DYSF: variants seen among roughly 807,000 people sequenced by gnomAD.
DYSF encodes dysferlin, also known as dystrophy-associated fer-1-like 1.
Under a neutral mutation model 274.9 loss-of-function variants are expected in DYSF, and 212 were observed. The ratio of observed to expected loss-of-function variants is 0.77; its 90% CI spans 0.69 to 0.86. The LOEUF is 0.86. Among genes scored for constraint, DYSF ranks in the 40% least tolerant of loss-of-function variants. The pLI, the probability that DYSF is intolerant of heterozygous loss-of-function variation, is 0.00. For missense variants in DYSF, 2,666 were observed against 2,783.2 expected (o/e 0.96, Z 0.95); for synonymous variants, 1,091 against 1,078.7 (o/e 1.01, Z -0.22).
chr2:71,618,877 G>T (rs986779969), intron 40 of DYSF, among the ~76,000 whole-genome samples: 1 of 151,874 alleles, frequency 6.6e-6, no homozygotes, highest in Non-Finnish European at 1.5e-5. Flanking sequence ...TGTCGGGTGG[G>T]TGCTGGGGCT....
At chr2:71,601,435 C>A in intron 34 of DYSF, 64 bp from the exon 35 acceptor site, 1 of 1,602,026 alleles carries the variant, frequency 6.2e-7, no homozygotes, top group Non-Finnish European at 8.6e-7. Context: ...CCATGAGTGT[C>A]ATGAGGGTGA....
At chr2:71,488,949 CCTT>C (rs71890738) in intron 3 of DYSF, among the ~76,000 whole-genome samples, 8,195 of 152,120 alleles carry the variant, frequency 0.054, 557 homozygotes, top group African/African-American at 0.16. Flanking sequence ...CCCCAATGCT[CCTT>C]CTCCTCCTTC....
At chr2:71,632,684 T>G (rs568665161) in intron 41 of DYSF, among the ~76,000 whole-genome samples, 7 of 152,212 alleles carry the variant, frequency 4.6e-5, no homozygotes, top group Non-Finnish European at 7.3e-5. Context: ...TGATGGAAGC[T>G]TCTTTCATTC....
chr2:71,633,214 A>G (rs1208874984), intron 41 of DYSF, among the ~76,000 whole-genome samples: 1 of 152,224 alleles, frequency 6.6e-6, no homozygotes, highest in Non-Finnish European at 1.5e-5. Context: ...TTTGGGGGGC[A>G]TAAGTGATTT....
intron 14 of DYSF, among the ~76,000 whole-genome samples, chr2:71,528,875 G>A (rs916911349): frequency 2.0e-5 from 3 of 152,140 alleles, no homozygotes; most frequent in Non-Finnish European, 2.9e-5. Flanking sequence ...CCTGAGGCGG[G>A]ACTGTGGCTC....
intron 32 of DYSF, among the ~76,000 whole-genome samples, chr2:71,594,806 C>T (rs549695882): frequency 6.6e-6 from 1 of 152,306 alleles, no homozygotes; most frequent in African/African-American, 2.4e-5. Context: ...TGACTTGGTG[C>T]CAGCAGGCGA....
At chr2:71,663,912 C>G (rs114488020) in intron 45 of DYSF, among the ~76,000 whole-genome samples, 1 of 152,172 alleles carries the variant, frequency 6.6e-6, no homozygotes, top group Non-Finnish European at 1.5e-5. Context: ...CGGTAAATTC[C>G]AAAGCTCTGG....
At chr2:71,620,705 G>A in intron 41 of DYSF, 96 bp downstream of exon 41, 1 of 1,284,454 alleles carries the variant, frequency 7.8e-7, no homozygotes, top group Admixed American at 2.0e-5. Flanking sequence ...GAGTGGGAGG[G>A]AAGAAAGGAG....
chr2:71,509,619 G>A (rs1355991440), intron 4 of DYSF, among the ~76,000 whole-genome samples: 1 of 152,032 alleles, frequency 6.6e-6, no homozygotes, highest in Non-Finnish European at 1.5e-5. Context: ...ATTTACTGTG[G>A]TATGGATTTG....
Position 71,553,077 on chromosome 2 carries a change from G to A in DYSF, c.1873G>A (p.Val625Met). 6.2e-7 allele frequency: 1 copy of A among 1,614,194 alleles called. No individual in the cohort carries two copies. Among genetic ancestry groups the A allele is most frequent in the South Asian group, 1.1e-5 (1 of 91,084 alleles). The change falls in exon 20 of 56, where the codon GTG becomes ATG. Residue 625 changes from valine to methionine, a missense_variant. Val to Met is a conservative substitution (Grantham distance 21). Coordinates refer to ENST00000410020, the MANE Select transcript of DYSF (RefSeq NM_001130987.2). ...AFYSATMLQD[V>M]DDAIQFEVSI... ...CTACTCAGCCACCATGCTGCAGGAT[G>A]TGGATGATGCCATCCAGTTTGAGGT...
chr2:71,565,266 A>ATTTTTTTTTTTTTTTTTTTTTTTTTTT, intron 24 of DYSF, among the ~76,000 whole-genome samples: 1 of 113,858 alleles, frequency 8.8e-6, no homozygotes, highest in African/African-American at 3.6e-5. Flanking sequence ...TTTTTTTTTA[A>ATTTTTTTTTTTTTTTTTTTTTTTTTTT]TTTTAGTGGA....
chr2:71,555,143 G>T (rs1187506168), intron 21 of DYSF, among the ~76,000 whole-genome samples: 1 of 152,102 alleles, frequency 6.6e-6, no homozygotes, highest in Non-Finnish European at 1.5e-5. Context: ...CAGCTCTAGG[G>T]GAAAGAGGAG....
At chr2:71,481,079 A>G in intron 2 of DYSF, 141 bp downstream of exon 2, 1 of 841,832 alleles carries the variant, frequency 1.2e-6, no homozygotes, top group Admixed American at 2.0e-5. Flanking sequence ...CCTGCCAACG[A>G]AATCCTTCTT....
intron 36 of DYSF, among the ~76,000 whole-genome samples, chr2:71,609,715 G>A (rs1369436258): frequency 2.0e-5 from 3 of 152,256 alleles, no homozygotes; most frequent in African/African-American, 7.2e-5. Flanking sequence ...TCCAACTGCT[G>A]TAGGTTGGGG....
At chr2:71,537,185 C>G (rs2089429481) in intron 16 of DYSF, among the ~76,000 whole-genome samples, 2 of 143,404 alleles carry the variant, frequency 1.4e-5, no homozygotes, top group Non-Finnish European at 3.0e-5. Flanking sequence ...GAGAATATCA[C>G]TGTAAAATAT....
chr2:71,593,585 C>T (rs545105520), intron 32 of DYSF, among the ~76,000 whole-genome samples: 1 of 152,346 alleles, frequency 6.6e-6, no homozygotes, highest in Admixed American at 6.5e-5. Flanking sequence ...CTGCCCACCC[C>T]TTTGGTGTGG....
chr2:71,454,446 C>A (rs1384603220), intron 1 of DYSF, among the ~76,000 whole-genome samples: 1 of 152,224 alleles, frequency 6.6e-6, no homozygotes, highest in Non-Finnish European at 1.5e-5. Flanking sequence ...TCCTCCTTCT[C>A]CCCTGAAGGT....
At chr2:71,480,565 A>C (rs932454614) in intron 1 of DYSF, among the ~76,000 whole-genome samples, 4 of 152,214 alleles carry the variant, frequency 2.6e-5, no homozygotes, top group African/African-American at 9.7e-5. Flanking sequence ...AAAAAAAATA[A>C]TACTACAATC....
At chr2:71,648,609 A>G (rs987737336) in intron 42 of DYSF, among the ~76,000 whole-genome samples, 1 of 152,232 alleles carries the variant, frequency 6.6e-6, no homozygotes, top group African/African-American at 2.4e-5. Flanking sequence ...ATAGTTGAAC[A>G]TACATATTGA....
Sources: gnomAD v4.1 joint callset for allele counts (sites outside exome capture counted in the v4.1 genomes callset) on GRCh38, gnomAD v4.1.1 for gene constraint, MANE v1.5 for transcripts, NCBI Gene and HGNC (gene_info 2026-07-23, HGNC 2026-07-21) for gene names.